Variants in LRBA observed in about 807,000 individuals in gnomAD.
The protein encoded by LRBA is LPS responsive beige-like anchor protein.
Under a neutral mutation model 330.0 loss-of-function variants are expected in LRBA, and 176 were observed. The observed-to-expected ratio is 0.53, with a 90% CI of 0.47 to 0.60. The LOEUF (loss-of-function observed/expected upper bound fraction) is 0.60. LRBA is among the 20% of genes least tolerant of loss of function. The pLI is 0.00. For missense variants in LRBA, 3,259 were observed against 3,444.8 expected (o/e 0.95, Z 1.35); for synonymous variants, 1,230 against 1,193.0 (o/e 1.03, Z -0.64).
chr4:150,504,279 A>G (rs1293828987), intron 40 of LRBA, among the ~76,000 whole-genome samples: 1 of 152,096 alleles, frequency 6.6e-6, no homozygotes, highest in Admixed American at 6.5e-5. Context: ...CAACTCCAAG[A>G]CCCATAATTT....
At chr4:150,487,891 T>C (rs570491257) in intron 41 of LRBA, 57 bp from the exon 42 acceptor site, 13 of 879,668 alleles carry the variant, frequency 1.5e-5, no homozygotes, top group Non-Finnish European at 2.0e-5. Context: ...TCTGGAAAAC[T>C]GACTCCTTGG....
chr4:150,489,635 TAAG>T (rs1174906635), intron 41 of LRBA, among the ~76,000 whole-genome samples: 30 of 108,760 alleles, frequency 2.8e-4, no homozygotes, highest in South Asian at 1.0e-3. Context: ...ATATAATATA[TAAG>T]AATATATAAT....
intron 12 of LRBA, 102 bp downstream of exon 12, chr4:150,906,195 A>G: frequency 1.2e-6 from 1 of 868,352 alleles, no homozygotes; most frequent in Non-Finnish European, 1.9e-6. Context: ...ATTTTCTGTA[A>G]CCAAGGAGAC....
At chr4:150,780,167 T>C (rs1737968462) in intron 34 of LRBA, among the ~76,000 whole-genome samples, 1 of 152,202 alleles carries the variant, frequency 6.6e-6, no homozygotes, top group Non-Finnish European at 1.5e-5. Flanking sequence ...AAACTGGCAC[T>C]ATGTATTCAT....
intron 2 of LRBA, among the ~76,000 whole-genome samples, chr4:150,977,069 T>TA (rs1740263869): frequency 6.6e-6 from 1 of 152,192 alleles, no homozygotes; most frequent in Non-Finnish European, 1.5e-5. Flanking sequence ...AGGCAAGTCC[T>TA]AGCACTGTGC....
At chr4:150,466,782 G>A (rs1189903038) in intron 44 of LRBA, among the ~76,000 whole-genome samples, 2 of 152,072 alleles carry the variant, frequency 1.3e-5, no homozygotes, top group African/African-American at 4.8e-5. Flanking sequence ...GACATTAAAG[G>A]AAATACAATT....
chr4:150,456,972 T>C (rs985293810), intron 44 of LRBA, among the ~76,000 whole-genome samples: 1 of 152,088 alleles, frequency 6.6e-6, no homozygotes, highest in African/African-American at 2.4e-5. Context: ...CAAAAATGAG[T>C]CCACTGTAGG....
In LRBA at chr4:150,399,087, T is replaced by G. The variant is rs545063596; in HGVS notation, c.7194+16351A>C. ...CTTTATCTTTTTTATTAACATACCT[T>G]AAAATTGCTATGCACATATTTTCTG... On this transcript the variant is annotated intron_variant, in intron 47 of 56. Transcript: ENST00000651943. Among the ~76,000 whole-genome samples the G allele has an allele frequency of 1.6e-4, 25 of 152,326 alleles. 1 individual carries two copies. The South Asian group carries it at 5.0e-3, about 30-fold the overall frequency.
intron 47 of LRBA, among the ~76,000 whole-genome samples, chr4:150,357,511 C>T (rs1385210445): frequency 2.0e-5 from 3 of 151,978 alleles, no homozygotes. Context: ...TTTTATCCAA[C>T]TATTTTCTTT....
intron 36 of LRBA, among the ~76,000 whole-genome samples, chr4:150,734,465 G>A (rs1349738384): frequency 6.6e-6 from 1 of 151,980 alleles, no homozygotes; most frequent in African/African-American, 2.4e-5. Flanking sequence ...AAATTCACTT[G>A]GAAGATTTTT....
chr4:150,821,535 T>A (rs1745440161), intron 30 of LRBA, among the ~76,000 whole-genome samples: 1 of 152,146 alleles, frequency 6.6e-6, no homozygotes, highest in South Asian at 2.1e-4. Flanking sequence ...TTTCTTTTAA[T>A]TTACTGGCAA....
intron 40 of LRBA, among the ~76,000 whole-genome samples, chr4:150,549,532 C>T (rs1247518089): frequency 1.3e-5 from 2 of 152,004 alleles, no homozygotes; most frequent in African/African-American, 4.8e-5. Flanking sequence ...AGGGTTTCAC[C>T]GTGTTAGCCA....
intron 40 of LRBA, among the ~76,000 whole-genome samples, chr4:150,559,871 ATAATTATATATAATTATATATAAT>A (rs1215799678): frequency 2.8e-4 from 5 of 18,158 alleles, no homozygotes; most frequent in African/African-American, 4.4e-4. Flanking sequence ...TATATAATAT[ATAATTATATATAATTATATATAAT>A]TATATATAAT....
intron 40 of LRBA, chr4:150,581,300 A>G: frequency 2.3e-6 from 1 of 440,296 alleles, no homozygotes; most frequent in Non-Finnish European, 4.6e-6. Flanking sequence ...TACTAAAAAG[A>G]GATTTATAAA....
At chr4:150,718,027 A>T (rs1728461181) in intron 36 of LRBA, among the ~76,000 whole-genome samples, 1 of 152,208 alleles carries the variant, frequency 6.6e-6, no homozygotes, top group South Asian at 2.1e-4. Flanking sequence ...TTGCCAGGAA[A>T]CTTGTATATT....
rs1352087489 is a variant in LRBA, at chr4:150,808,419, T to C, written c.5306-21A>G. 6 of 1,419,678 alleles carry C rather than the reference T, an allele frequency of 4.2e-6. No homozygotes were observed. In the African/African-American group the frequency reaches 4.2e-5, roughly 10 times the overall value. The allele number at this position is 1,419,678 out of a possible 1,614,324, so 87.9% of individuals were successfully genotyped here. A position where few individuals can be genotyped will look rare whatever the true frequency, so the allele number is the denominator to read the frequency against. On this transcript the variant is annotated intron_variant, in intron 31 of 56. Coordinates refer to ENST00000651943, the MANE Select transcript of LRBA (RefSeq NM_001364905.1). ...ACTGCCTATAAAAGAAAAATAACCA[T>C]CTATAGGAATTTTCTGCTTTTAGAT...
chr4:150,873,408 T>C (rs935268271), intron 17 of LRBA, among the ~76,000 whole-genome samples: 4 of 151,682 alleles, frequency 2.6e-5, no homozygotes, highest in East Asian at 1.9e-4. Flanking sequence ...CTAGCCAACA[T>C]GGTGAGACCC....
At chr4:150,572,154 T>G (rs1206109297) in intron 40 of LRBA, among the ~76,000 whole-genome samples, 1 of 152,112 alleles carries the variant, frequency 6.6e-6, no homozygotes, top group Non-Finnish European at 1.5e-5. Context: ...AAAATCAACA[T>G]TATTTCTTTG....
chr4:150,943,176 T>C (rs756886054), intron 2 of LRBA, among the ~76,000 whole-genome samples: 2 of 152,246 alleles, frequency 1.3e-5, no homozygotes, highest in Admixed American at 6.5e-5. Flanking sequence ...GATGTTTATA[T>C]GATAGAATTA....
Sources: allele counts gnomAD v4.1 joint callset (sites outside exome capture counted in the v4.1 genomes callset), GRCh38; gene constraint gnomAD v4.1.1; transcripts MANE v1.5; gene names NCBI Gene and HGNC (gene_info 2026-07-23, HGNC 2026-07-21).